The following RIMS2 variants were observed in gnomAD, a reference collection of about 807,000 sequenced individuals.
The protein encoded by RIMS2 is regulating synaptic membrane exocytosis 2.
A neutral mutation model predicts 174.4 loss-of-function variants in RIMS2; 59 were observed. The ratio of observed to expected loss-of-function variants is 0.34; its 90% CI spans 0.27 to 0.42. The LOEUF (loss-of-function observed/expected upper bound fraction) is 0.42. RIMS2 is among the 10% of genes least tolerant of loss of function. RIMS2 has a pLI of 1.00. For missense variants in RIMS2, 1,620 were observed against 1,666.3 expected (o/e 0.97, Z 0.48); for synonymous variants, 606 against 572.5 (o/e 1.06, Z -0.84).
exon 4 of RIMS2, chr8:103,886,076 C>T (rs1297389759): frequency 6.2e-7 from 1 of 1,613,040 alleles, no homozygotes; most frequent in East Asian, 2.2e-5. Context: ...GTCAGTGAGA[C>T]CTCCACCACC....
chr8:103,621,229 C>A (rs895606493), intron 1 of RIMS2, among the ~76,000 whole-genome samples: 1 of 152,190 alleles, frequency 6.6e-6, no homozygotes, highest in African/African-American at 2.4e-5. Flanking sequence ...GGTACACCCA[C>A]CAGCAGTTTT....
chr8:103,834,967 C>T (rs186389498), intron 3 of RIMS2, among the ~76,000 whole-genome samples: 11 of 151,688 alleles, frequency 7.3e-5, no homozygotes, highest in East Asian at 5.8e-4. Flanking sequence ...GACAGGTTAT[C>T]GCCATGTTGT....
At chr8:103,971,440 C>A (rs907720794) in intron 15 of RIMS2, among the ~76,000 whole-genome samples, 8 of 152,090 alleles carry the variant, frequency 5.3e-5, no homozygotes, top group Non-Finnish European at 1.0e-4. Context: ...TAGCAACAAT[C>A]CTAACATCTT....
At chr8:103,563,384 G>C (rs554811608) in intron 1 of RIMS2, among the ~76,000 whole-genome samples, 1 of 152,250 alleles carries the variant, frequency 6.6e-6, no homozygotes, top group African/African-American at 2.4e-5. Context: ...AAGTTCCACA[G>C]ATCTCTAGGG....
At chr8:104,050,688 A>G (rs115644716) in intron 19 of RIMS2, among the ~76,000 whole-genome samples, 4,154 of 152,312 alleles carry the variant, frequency 0.027, 196 homozygotes, top group African/African-American at 0.094. Flanking sequence ...TAAGTTTTAC[A>G]GGAAGATGAA....
chr8:103,796,159 C>A (rs987809628), intron 3 of RIMS2, among the ~76,000 whole-genome samples: 1 of 152,130 alleles, frequency 6.6e-6, no homozygotes, highest in Non-Finnish European at 1.5e-5. Flanking sequence ...ACTTTATTTA[C>A]TGCTCTCCAT....
At chr8:104,102,327 C>G (rs1315303586) in intron 19 of RIMS2, among the ~76,000 whole-genome samples, 1 of 152,142 alleles carries the variant, frequency 6.6e-6, no homozygotes, top group African/African-American at 2.4e-5. Context: ...AACCAGAAAC[C>G]TGGGCATCAC....
chr8:103,835,091 T>C (rs1205386293), intron 3 of RIMS2, among the ~76,000 whole-genome samples: 1 of 145,062 alleles, frequency 6.9e-6, no homozygotes, highest in African/African-American at 2.6e-5. Flanking sequence ...TTTTCTTTTT[T>C]TCTTTTCTTT....
intron 15 of RIMS2, among the ~76,000 whole-genome samples, chr8:103,964,816 C>G (rs532362021): frequency 6.6e-6 from 1 of 152,082 alleles, no homozygotes; most frequent in Non-Finnish European, 1.5e-5. Flanking sequence ...ATTTACATAT[C>G]TGATGCATTT....
chr8:103,814,435 A>C (rs562885643), intron 3 of RIMS2, among the ~76,000 whole-genome samples: 12 of 151,988 alleles, frequency 7.9e-5, no homozygotes, highest in Non-Finnish European at 1.5e-4. Flanking sequence ...AAAAAAAAAA[A>C]CTTAAAAAGA....
At chr8:104,014,636 T>C (rs748500138) in intron 19 of RIMS2, 21 bp downstream of exon 21, 9 of 1,458,030 alleles carry the variant, frequency 6.2e-6, no homozygotes, top group Non-Finnish European at 7.7e-6. Context: ...TTTCTAATTG[T>C]CTCGTTTAGG....
intron 3 of RIMS2, among the ~76,000 whole-genome samples, chr8:103,884,844 C>G (rs1199218489): frequency 6.6e-6 from 1 of 151,762 alleles, no homozygotes; most frequent in Non-Finnish European, 1.5e-5. Context: ...TAATTTTAGT[C>G]AGAAAGTATT....
chr8:103,676,907 C>A (rs1390905194), intron 1 of RIMS2, among the ~76,000 whole-genome samples: 1 of 152,086 alleles, frequency 6.6e-6, no homozygotes, highest in Non-Finnish European at 1.5e-5. Flanking sequence ...TAGCTTGAAC[C>A]CAGAAGGCAG....
chr8:104,068,594 A>T, intron 19 of RIMS2: 1 of 1,551,780 alleles, frequency 6.4e-7, no homozygotes, highest in East Asian at 2.3e-5. Flanking sequence ...CCAGACTGGA[A>T]CAAGATTACC....
intron 19 of RIMS2, among the ~76,000 whole-genome samples, chr8:104,089,903 T>C (rs995718755): frequency 6.6e-6 from 1 of 151,726 alleles, no homozygotes; most frequent in Non-Finnish European, 1.5e-5. Flanking sequence ...ATCTCCCTAG[T>C]AAGAAGGCTA....
At chr8:103,516,387 C>A (rs979423588) in intron 1 of RIMS2, among the ~76,000 whole-genome samples, 9 of 151,918 alleles carry the variant, frequency 5.9e-5, no homozygotes, top group Non-Finnish European at 1.5e-5. Flanking sequence ...CTTATATTTT[C>A]AAAAAAGTCT....
chr8:103,769,527 T>C (rs1419474304), intron 3 of RIMS2, among the ~76,000 whole-genome samples: 2 of 152,204 alleles, frequency 1.3e-5, no homozygotes, highest in African/African-American at 4.8e-5. Flanking sequence ...GGTCTCACCA[T>C]GTTGGCCAGG....
chr8:103,662,425 G>A (rs955881690), intron 1 of RIMS2, among the ~76,000 whole-genome samples: 1 of 152,092 alleles, frequency 6.6e-6, no homozygotes, highest in African/African-American at 2.4e-5. Flanking sequence ...TATGTTTTGT[G>A]TGAAAAACAC....
chr8:104,088,268 G>A (rs1390338065), intron 19 of RIMS2, among the ~76,000 whole-genome samples: 1 of 151,866 alleles, frequency 6.6e-6, no homozygotes, highest in African/African-American at 2.4e-5. Context: ...ATTTTCTTTC[G>A]ATTATGACAT....
Sources: allele counts gnomAD v4.1 joint callset (sites outside exome capture counted in the v4.1 genomes callset), GRCh38; gene constraint gnomAD v4.1.1; transcripts MANE v1.5; gene names NCBI Gene and HGNC (gene_info 2026-07-23, HGNC 2026-07-21).